C4orf17: variants seen among roughly 807,000 people sequenced by gnomAD.
The protein encoded by C4orf17 is uncharacterized protein C4orf17.
Under a neutral mutation model 32.0 loss-of-function variants are expected in C4orf17, and 25 were observed. The ratio of observed to expected loss-of-function variants is 0.78; its 90% CI spans 0.57 to 1.09. The LOEUF (loss-of-function observed/expected upper bound fraction) is 1.09, where lower values mean the gene tolerates loss of function less well. Ranked by LOEUF, C4orf17 falls within the 50% of genes least tolerant of loss-of-function variation. C4orf17 has a pLI of 0.00. For synonymous variants in C4orf17, 149 were observed against 145.8 expected, an observed-to-expected ratio of 1.02 and a Z score of -0.16; for missense variants, 420 against 420.0, an observed-to-expected ratio of 1.00 and a Z score of 0.00.
chr4:99,529,997 G>A (rs1259995315), intron 5 of C4orf17, 39 bp downstream of exon 5: 4 of 1,542,544 alleles, frequency 2.6e-6, no homozygotes, highest in East Asian at 4.6e-5. Context: ...CTTGGAAACA[G>A]CATGAATATA....
chr4:99,535,637 G>T (rs999240066), intron 5 of C4orf17, among the ~76,000 whole-genome samples: 1 of 152,030 alleles, frequency 6.6e-6, no homozygotes, highest in Non-Finnish European at 1.5e-5. Context: ...CTTATGTATT[G>T]TTTTATCATG....
chr4:99,513,680 C>T (rs962535008), intron 2 of C4orf17, among the ~76,000 whole-genome samples: 3 of 152,096 alleles, frequency 2.0e-5, no homozygotes, highest in Non-Finnish European at 4.4e-5. Context: ...CTTCCTTCCT[C>T]CCTTTCTTCT....
intron 2 of C4orf17, among the ~76,000 whole-genome samples, chr4:99,518,540 TATATAGAG>T (rs1267495063): frequency 4.8e-4 from 33 of 68,804 alleles, no homozygotes; most frequent in African/African-American, 1.6e-3. Flanking sequence ...TATATATATA[TATATAGAG>T]AGAGAGAGAG....
At chr4:99,512,881 G>A in intron 1 of C4orf17, 108 bp from the exon 2 acceptor site, 1 of 571,042 alleles carries the variant, frequency 1.8e-6, no homozygotes. Context: ...TCACATTGCT[G>A]TAACATGAGA....
intron 5 of C4orf17, among the ~76,000 whole-genome samples, chr4:99,534,217 A>G (rs550241265): frequency 7.8e-4 from 118 of 152,240 alleles, no homozygotes; most frequent in South Asian, 1.7e-3. Flanking sequence ...GCTCCCACTT[A>G]TAAGTGAGAA....
chr4:99,533,421 G>A (rs193108025), intron 5 of C4orf17, among the ~76,000 whole-genome samples: 1 of 152,218 alleles, frequency 6.6e-6, no homozygotes, highest in African/African-American at 2.4e-5. Context: ...ACTACAGATT[G>A]GACCATTGAG....
At chr4:99,518,540 T>TAGAGAGAG (rs1560585526) in intron 2 of C4orf17, among the ~76,000 whole-genome samples, 3 of 68,804 alleles carry the variant, frequency 4.4e-5, no homozygotes, top group Non-Finnish European at 7.5e-5. Flanking sequence ...TATATATATA[T>TAGAGAGAG]ATATAGAGAG....
In C4orf17 at chr4:99,512,972, T is replaced by C; in HGVS notation, c.-93-17T>C. The C allele has an allele frequency of 1.9e-6, 2 of 1,058,964 alleles. No homozygotes were observed. Among genetic ancestry groups the C allele is most frequent in the Non-Finnish European group, 2.8e-6 (2 of 726,480 alleles). The allele number at this position is 1,058,964 out of a possible 1,614,324, so 65.6% of individuals were successfully genotyped here. A position where few individuals can be genotyped will look rare whatever the true frequency, so the allele number is the denominator to read the frequency against. On this transcript the variant is annotated splice_polypyrimidine_tract_variant and intron_variant, in intron 1 of 8. Transcript: ENST00000326581. Reference sequence around the variant, plus strand: ...CAAGAAACTCTTGTCAGAATGTTTGTCATTTTGTGATTTCAGGGTCTGAGC... The same window carrying C: ...CAAGAAACTCTTGTCAGAATGTTTGCCATTTTGTGATTTCAGGGTCTGAGC...
Position 99,513,150 on chromosome 4 carries a change from T to C in C4orf17, c.69T>C (p.Asn23=), listed in dbSNP as rs761304240. 3.1e-6 allele frequency: 5 copies of C among 1,613,768 alleles called. No homozygotes were observed. The African/African-American group carries it at 4.0e-5, about 13-fold the overall frequency. ...AAGGCAGCCATATTATGGCTAGAAA[T>C]GTAAGCTGCTTTCTAGTCAGGCACA... ...EGKGSHIMAR[N]VSCFLVRHTP... Residue 23 remains asparagine (N), a synonymous_variant, in exon 2 of 9, where the codon AAT becomes AAC. Transcript: ENST00000326581.
At chr4:99,523,973 A>G (rs1194303620) in intron 3 of C4orf17, among the ~76,000 whole-genome samples, 1 of 145,856 alleles carries the variant, frequency 6.9e-6, no homozygotes, top group African/African-American at 2.6e-5. Flanking sequence ...ACTAAAATAT[A>G]TACTTTTTTT....
At chr4:99,522,424 ATCAT>A (rs1368184017) in intron 2 of C4orf17, 72 bp from the exon 3 acceptor site, 1 of 1,116,258 alleles carries the variant, frequency 9.0e-7, no homozygotes. Context: ...GAAATTGTTG[ATCAT>A]TCAAAGAAAA....
chr4:99,524,984 A>G (rs967373277), intron 4 of C4orf17, among the ~76,000 whole-genome samples: 3 of 152,202 alleles, frequency 2.0e-5, no homozygotes, highest in Non-Finnish European at 4.4e-5. Flanking sequence ...GATTATTTTA[A>G]GATTCATCCA....
chr4:99,529,403 A>T (rs1723440787), intron 4 of C4orf17, among the ~76,000 whole-genome samples: 2 of 152,352 alleles, frequency 1.3e-5, no homozygotes, highest in Non-Finnish European at 2.9e-5. Context: ...GCAGCAAGGA[A>T]GTAGCAATTT....
chr4:99,533,903 C>A (rs903239987), intron 5 of C4orf17, among the ~76,000 whole-genome samples: 4 of 152,138 alleles, frequency 2.6e-5, no homozygotes, highest in African/African-American at 9.7e-5. Context: ...TTCTCAAATC[C>A]TAAAATAAAA....
chr4:99,513,098 C>T lies in C4orf17; in HGVS notation c.17C>T (p.Pro6Leu), dbSNP rs779234908. 1.7e-5 allele frequency: 27 copies of T among 1,613,756 alleles called. No individual in the cohort carries two copies. The highest frequency in any genetic ancestry group is 1.7e-4 in the Middle Eastern group (1 of 6,054). MNLNP[P>L]TSALQIEGKG... Reference sequence around the variant, plus strand: ...ACCACAAACATGAACCTCAACCCCCCGACATCTGCTCTTCAGATCGAGGGC... The same window carrying T: ...ACCACAAACATGAACCTCAACCCCCTGACATCTGCTCTTCAGATCGAGGGC... The change falls in exon 2 of 9, where the codon CCG becomes CTG. Residue 6 changes from proline (P) to leucine (L), a missense_variant. Coordinates refer to ENST00000326581, the MANE Select transcript of C4orf17 (RefSeq NM_032149.3).
At chr4:99,519,187 A>C (rs906054923) in intron 2 of C4orf17, 1 of 152,240 alleles carries the variant, frequency 6.6e-6, no homozygotes, top group Non-Finnish European at 1.5e-5. Context: ...ATTCCAGATA[A>C]GGGGGCCAGG....
chr4:99,527,468 G>A (rs1439639687), intron 4 of C4orf17, among the ~76,000 whole-genome samples: 1 of 152,130 alleles, frequency 6.6e-6, no homozygotes, highest in Non-Finnish European at 1.5e-5. Flanking sequence ...AACTTTTTTG[G>A]AAGACTATTT....
intron 5 of C4orf17, among the ~76,000 whole-genome samples, chr4:99,536,799 G>A (rs1205651406): frequency 6.6e-6 from 1 of 152,216 alleles, no homozygotes. Context: ...ACTAGAAGAT[G>A]TTGGTACTGA....
Position 99,540,400 on chromosome 4 carries a change from C to T in C4orf17, c.837-12C>T, listed in dbSNP as rs1723635723. 1.9e-6 allele frequency: 3 copies of T among 1,602,620 alleles called. No homozygotes were observed. The highest frequency in any genetic ancestry group is 1.7e-6 in the Non-Finnish European group (2 of 1,173,342). On this transcript the variant is annotated splice_polypyrimidine_tract_variant and intron_variant, in intron 7 of 8. Coordinates refer to ENST00000326581, the MANE Select transcript of C4orf17 (RefSeq NM_032149.3). ...TGTGAAATTCACTTTTTTCTTTCTC[C>T]AACTGATCTAGAGTGTCAAGTCAAG...
Sources: gnomAD v4.1 joint callset for allele counts (sites outside exome capture counted in the v4.1 genomes callset) on GRCh38, gnomAD v4.1.1 for gene constraint, MANE v1.5 for transcripts, NCBI Gene and HGNC (gene_info 2026-07-23, HGNC 2026-07-21) for gene names.